The following WWOX variants were observed in gnomAD, a reference collection of about 807,000 sequenced individuals.
WWOX encodes the protein WW domain containing oxidoreductase, also known as WW domain-containing oxidoreductase.
In WWOX, 69 loss-of-function variants were observed where a neutral mutation model predicts 46.2. The ratio of observed to expected loss-of-function variants is 1.49; its 90% CI spans 1.23 to 1.82. The LOEUF is 1.82. Among genes scored for constraint, WWOX ranks in the 40% most tolerant of loss-of-function variants. WWOX has a pLI of 0.00. For missense variants in WWOX, 919 were observed against 542.6 expected, an observed-to-expected ratio of 1.69 and a Z score of -6.89; for synonymous variants, 359 against 202.6, an observed-to-expected ratio of 1.77 and a Z score of -6.56.
Position 78,933,079 on chromosome 16 carries a change from C to T in WWOX, c.1057-278529C>T, listed in dbSNP as rs548550402. 2.6e-5 allele frequency among the ~76,000 whole-genome samples: 4 copies of T among 152,274 alleles called. No individual in the cohort carries two copies. The South Asian group carries it at 6.2e-4, about 24-fold the overall frequency. On this transcript the variant is annotated intron_variant, in intron 8 of 8. Coordinates refer to ENST00000566780, the MANE Select transcript of WWOX (RefSeq NM_016373.4). ...GACTGGGGGAGCAAGGCTTGCAAAT[C>T]GAAAGCATCAGTTGCTACCCCTGAG...
chr16:78,356,329 A>T (rs2081289986), intron 5 of WWOX, among the ~76,000 whole-genome samples: 2 of 13,188 alleles, frequency 1.5e-4, no homozygotes, highest in Non-Finnish European at 5.1e-4. Context: ...TATTCAAAAT[A>T]CTCAACTTGT....
At chr16:78,830,018 G>C (rs1208737308) in intron 8 of WWOX, among the ~76,000 whole-genome samples, 1 of 152,128 alleles carries the variant, frequency 6.6e-6, no homozygotes, top group Non-Finnish European at 1.5e-5. Flanking sequence ...AGTGCTTTGG[G>C]AGTCTGAAGT....
At chr16:78,257,109 G>T (rs957398318) in intron 5 of WWOX, among the ~76,000 whole-genome samples, 1 of 151,926 alleles carries the variant, frequency 6.6e-6, no homozygotes, top group African/African-American at 2.4e-5. Context: ...GGCTCGTGGC[G>T]TGGGGTCTTC....
In WWOX at chr16:79,211,666, G is replaced by A. The variant is rs1064793798; in HGVS notation, c.1115G>A (p.Gly372Glu). Residue 372 changes from glycine (G) to glutamate (E), a missense_variant, in exon 9 of 9, where the codon GGA (glycine) becomes GAA (glutamate). Physicochemically the swap from Gly to Glu is moderately conservative, Grantham distance 98. Coordinates refer to ENST00000566780, the MANE Select transcript of WWOX (RefSeq NM_016373.4). Reference protein sequence around the residue: ...CAAVPELEGLGGMYFNNCCRC... With the variant: ...CAAVPELEGLEGMYFNNCCRC... ...GCTGTCCCAGAACTGGAGGGTCTGG[G>A]AGGGATGTACTTCAACAACTGCTGC... 6.2e-7 allele frequency: 1 copy of A among 1,614,208 alleles called. No individual in the cohort carries two copies. The highest frequency in any genetic ancestry group is 8.5e-7 in the Non-Finnish European group (1 of 1,180,044).
intron 4 of WWOX, among the ~76,000 whole-genome samples, chr16:78,156,051 T>C (rs2034585417): frequency 6.6e-6 from 1 of 152,174 alleles, no homozygotes; most frequent in Admixed American, 6.5e-5. Context: ...ATTGCAGCTT[T>C]TAAAAGTAGA....
chr16:78,493,665 G>C (rs1303308905), intron 8 of WWOX, among the ~76,000 whole-genome samples: 1 of 152,126 alleles, frequency 6.6e-6, no homozygotes, highest in African/African-American at 2.4e-5. Flanking sequence ...ATGTATAGAA[G>C]CGTATAATCC....
At chr16:78,225,902 T>TGC (rs2037038523) in intron 5 of WWOX, among the ~76,000 whole-genome samples, 1 of 152,212 alleles carries the variant, frequency 6.6e-6, no homozygotes, top group Non-Finnish European at 1.5e-5. Context: ...CTCCCTTCTA[T>TGC]TCTACATCTA....
intron 8 of WWOX, chr16:79,206,156 C>T (rs1377392587): frequency 2.6e-5 from 4 of 152,162 alleles, no homozygotes; most frequent in Admixed American, 6.5e-5. Context: ...TAACATTTCT[C>T]GGGTGAACAC....
chr16:79,129,253 A>G (rs931368971), intron 8 of WWOX, among the ~76,000 whole-genome samples: 1 of 151,490 alleles, frequency 6.6e-6, no homozygotes, highest in Non-Finnish European at 1.5e-5. Context: ...CCAACGCAAA[A>G]TAGAGATGTA....
intron 5 of WWOX, among the ~76,000 whole-genome samples, chr16:78,203,963 G>C (rs943320508): frequency 1.3e-5 from 2 of 152,232 alleles, no homozygotes; most frequent in Non-Finnish European, 2.9e-5. Flanking sequence ...ATTCTGGAGA[G>C]TTGATGGGTA....
intron 5 of WWOX, chr16:78,179,915 C>G (rs2035475039): frequency 6.6e-6 from 1 of 152,190 alleles, no homozygotes; most frequent in African/African-American, 2.4e-5. Flanking sequence ...GAGGGTAAAA[C>G]AGCTGAGCCA....
intron 8 of WWOX, among the ~76,000 whole-genome samples, chr16:78,752,849 C>T (rs2049520135): frequency 6.6e-6 from 1 of 152,206 alleles, no homozygotes; most frequent in Non-Finnish European, 1.5e-5. Flanking sequence ...GCCAGGAATT[C>T]CAGGAGTCAG....
chr16:78,389,737 T>A (rs2082139431), intron 6 of WWOX, among the ~76,000 whole-genome samples: 1 of 151,914 alleles, frequency 6.6e-6, no homozygotes, highest in Non-Finnish European at 1.5e-5. Flanking sequence ...CTATACTGTG[T>A]TTCATTTTAG....
Position 78,572,602 on chromosome 16 carries a change from C to CAAA in WWOX, c.1056+139872_1056+139874dup, listed in dbSNP as rs35178787. Among the ~76,000 whole-genome samples, 349 of 41,344 alleles carry CAAA rather than the reference C, an allele frequency of 8.4e-3. 24 individuals are homozygous for CAAA. Among genetic ancestry groups the CAAA allele is most frequent in the African/African-American group, 0.013 (149 of 11,404 alleles). The allele number at this position is 41,344 out of a possible 152,430, so 27.1% of individuals were successfully genotyped here. A position where few individuals can be genotyped will look rare whatever the true frequency, so the allele number is the denominator to read the frequency against. On this transcript the variant is annotated intron_variant, in intron 8 of 8. Transcript: ENST00000566780. ...TGGGCTACAGAGTAAGACTCTGTCT[C>CAAA]AAAAAAAAAAAAAAAAAAAAAAAAG...
chr16:78,697,573 C>T (rs1284100649), intron 8 of WWOX, among the ~76,000 whole-genome samples: 1 of 152,054 alleles, frequency 6.6e-6, no homozygotes, highest in Non-Finnish European at 1.5e-5. Flanking sequence ...CTAACAATCC[C>T]ATCAAAAAGT....
chr16:78,322,942 C>G (rs1484368681), intron 5 of WWOX, among the ~76,000 whole-genome samples: 2 of 152,108 alleles, frequency 1.3e-5, no homozygotes, highest in African/African-American at 4.8e-5. Context: ...AATATGAAAA[C>G]CATTCTTAGT....
rs141096719 is a variant in WWOX, at chr16:78,787,720, T to G, written c.1056+354968T>G. Among the ~76,000 whole-genome samples the G allele has an allele frequency of 3.3e-3, 503 of 152,336 alleles. 4 individuals are homozygous for G. The highest frequency in any genetic ancestry group is 0.012 in the African/African-American group (482 of 41,580). ...GCTGGGTAATATGGCAATTTTATATTTAACTTTCAGAGGAGCCACCAAATT... is the reference window on the plus strand; with the variant it reads ...GCTGGGTAATATGGCAATTTTATATGTAACTTTCAGAGGAGCCACCAAATT... On this transcript the variant is annotated intron_variant, in intron 8 of 8. Transcript: ENST00000566780.
intron 8 of WWOX, among the ~76,000 whole-genome samples, chr16:78,928,223 G>C (rs1320231209): frequency 7.6e-6 from 1 of 131,298 alleles, no homozygotes; most frequent in South Asian, 2.4e-4. Flanking sequence ...TTTTTTTTGA[G>C]ACGGAGTCTC....
Position 79,005,212 on chromosome 16 carries a change from T to C in WWOX, c.1057-206396T>C, listed in dbSNP as rs540295640. Among the ~76,000 whole-genome samples the C allele has an allele frequency of 6.9e-4, 105 of 152,184 alleles. 1 individual carries two copies. The highest frequency in any genetic ancestry group is 2.5e-3 in the African/African-American group (105 of 41,514). ...GTTTGCCTGTGGACCTCAGGATTTG[T>C]AAGGCCATCTCCACCCACCTACAGC... On this transcript the variant is annotated intron_variant, in intron 8 of 8. Transcript: ENST00000566780.
Sources: allele counts gnomAD v4.1 joint callset (sites outside exome capture counted in the v4.1 genomes callset), GRCh38; gene constraint gnomAD v4.1.1; transcripts MANE v1.5; gene names NCBI Gene and HGNC (gene_info 2026-07-23, HGNC 2026-07-21).